The following RBFOX1 variants were observed in gnomAD, a reference collection of about 807,000 sequenced individuals.
RBFOX1 encodes RNA binding protein fox-1 homolog 1.
RBFOX1 carries 8 observed loss-of-function variants against 57.7 expected under a neutral mutation model. That is an observed-to-expected ratio of 0.14 (90% CI 0.08 to 0.25). RBFOX1 has a LOEUF of 0.25. Ranked by LOEUF, RBFOX1 falls within the 10% of genes least tolerant of loss-of-function variation. The pLI, the probability that RBFOX1 is intolerant of heterozygous loss-of-function variation, is 1.00. For missense variants in RBFOX1, 611 were observed against 548.5 expected, an observed-to-expected ratio of 1.11 and a Z score of -1.14; for synonymous variants, 326 against 222.4, an observed-to-expected ratio of 1.47 and a Z score of -4.15.
chr16:6,884,801 G>C (rs576995557), intron 3 of RBFOX1, among the ~76,000 whole-genome samples: 2 of 152,246 alleles, frequency 1.3e-5, no homozygotes, highest in Admixed American at 6.5e-5. Context: ...GGGAGGCTGA[G>C]GCAGGAGAAT....
chr16:6,278,376 C>CCAAAAAAAAA (rs2076047011), intron 1 of RBFOX1, among the ~76,000 whole-genome samples: 1 of 31,764 alleles, frequency 3.1e-5, no homozygotes, highest in African/African-American at 1.9e-4. Context: ...GTAGGACTCA[C>CCAAAAAAAAA]CAAAAAAAAA....
At chr16:5,966,436 G>A (rs1364481960) in intron 4 of RBFOX1, among the ~76,000 whole-genome samples, 1 of 152,178 alleles carries the variant, frequency 6.6e-6, no homozygotes, top group African/African-American at 2.4e-5. Flanking sequence ...TGTGAGGTGA[G>A]GAGATGCCAC....
chr16:6,222,415 T>A (rs2097380542), intron 1 of RBFOX1, among the ~76,000 whole-genome samples: 1 of 151,968 alleles, frequency 6.6e-6, no homozygotes, highest in Non-Finnish European at 1.5e-5. Context: ...ACGTTTTCCC[T>A]TCCCTCCTTC....
At chr16:5,389,601 CTG>C (rs1322972686) in intron 1 of RBFOX1, among the ~76,000 whole-genome samples, 2 of 152,104 alleles carry the variant, frequency 1.3e-5, no homozygotes, top group African/African-American at 4.8e-5. Flanking sequence ...TTTTTTCTCT[CTG>C]TCTGTTTGCT....
intron 4 of RBFOX1, among the ~76,000 whole-genome samples, chr16:5,908,332 A>ATGTGTGTG (rs879393323): frequency 1.5e-5 from 2 of 137,464 alleles, no homozygotes; most frequent in African/African-American, 5.3e-5. Context: ...ACATATATAT[A>ATGTGTGTG]TGTGTGTGTG....
intron 3 of RBFOX1, among the ~76,000 whole-genome samples, chr16:6,727,201 C>A (rs1201984625): frequency 1.3e-5 from 2 of 152,010 alleles, no homozygotes; most frequent in African/African-American, 4.8e-5. Flanking sequence ...CACTATCCTG[C>A]AATTCTGACA....
At chr16:7,270,506 A>G (rs2095291786) in intron 4 of RBFOX1, among the ~76,000 whole-genome samples, 1 of 152,154 alleles carries the variant, frequency 6.6e-6, no homozygotes, top group Admixed American at 6.5e-5. Flanking sequence ...TGATAAGGGA[A>G]GGTACCATTG....
rs977063465 is a variant in RBFOX1, at chr16:6,718,739, C to A, written c.-16+64089C>A. On this transcript the variant is annotated intron_variant, in intron 3 of 15. Transcript: ENST00000550418. The stretch of plus-strand genomic sequence containing the variant: ...AGTGTGTACCACTCACTGAAGGTAA[C>A]CATAGTAACAGCAAAATCCCAAATG... Among the ~76,000 whole-genome samples the A allele has an allele frequency of 2.0e-5, 3 of 152,288 alleles. No homozygotes were observed. In the South Asian group the frequency reaches 6.2e-4, roughly 32 times the overall value.
chr16:6,757,251 G>C (rs2075947640), intron 3 of RBFOX1, among the ~76,000 whole-genome samples: 1 of 152,036 alleles, frequency 6.6e-6, no homozygotes, highest in Non-Finnish European at 1.5e-5. Context: ...TTCTCAAAAA[G>C]ACTAAAAATA....
intron 3 of RBFOX1, among the ~76,000 whole-genome samples, chr16:5,831,038 C>T (rs190284957): frequency 9.7e-4 from 148 of 152,224 alleles, no homozygotes; most frequent in African/African-American, 3.2e-3. Context: ...CGTTAGTTGG[C>T]GAGTTTAATA....
At chr16:6,750,833 G>T (rs1428228843) in intron 3 of RBFOX1, among the ~76,000 whole-genome samples, 5 of 152,280 alleles carry the variant, frequency 3.3e-5, no homozygotes, top group Admixed American at 2.6e-4. Context: ...CGCCAAAGGG[G>T]GATGTGTGTG....
rs116895633 is a variant in RBFOX1 at position 7,327,055 on chromosome 16, G to A, written c.28-191092G>A. 3.5e-3 allele frequency among the ~76,000 whole-genome samples: 537 copies of A among 152,262 alleles called. 1 individual carries two copies. Among genetic ancestry groups the A allele is most frequent in the Admixed American group, 6.2e-3 (95 of 15,298 alleles). On this transcript the variant is annotated intron_variant, in intron 4 of 15. Transcript: ENST00000550418. ...TATTAAAAGAGTCATGATATGGTGT[G>A]GGCAGTCTCTGAACCAAACACAATG...
At chr16:7,300,300 A>G (rs1161461222) in intron 4 of RBFOX1, among the ~76,000 whole-genome samples, 3 of 152,012 alleles carry the variant, frequency 2.0e-5, no homozygotes, top group Non-Finnish European at 4.4e-5. Flanking sequence ...CCTGGGGGCT[A>G]GAACAGTGCC....
chr16:7,552,885 A>T (rs867087089), intron 5 of RBFOX1, among the ~76,000 whole-genome samples: 2 of 151,826 alleles, frequency 1.3e-5, no homozygotes, highest in Non-Finnish European at 2.9e-5. Flanking sequence ...GTTTCACCAT[A>T]TTGGCCAGGC....
At chr16:6,557,026 C>A (rs867712521) in intron 2 of RBFOX1, among the ~76,000 whole-genome samples, 1 of 123,716 alleles carries the variant, frequency 8.1e-6, no homozygotes, top group East Asian at 2.0e-4. Flanking sequence ...CATATATATA[C>A]ATATATACAC....
Position 6,981,188 on chromosome 16 carries a change from G to A in RBFOX1, c.-15-70869G>A, listed in dbSNP as rs1018262276. Among the ~76,000 whole-genome samples, 4 of 151,760 alleles carry A rather than the reference G, an allele frequency of 2.6e-5. No homozygotes were observed. In the South Asian group the frequency reaches 8.3e-4, roughly 32 times the overall value. ...TGCACAGATAAGCTTGTGTGATGGG[G>A]GTTTGTGGTACAGATTATTTCATCA... On this transcript the variant is annotated intron_variant, in intron 3 of 15. Transcript: ENST00000550418.
chr16:7,300,526 A>T (rs1326049970), intron 4 of RBFOX1, among the ~76,000 whole-genome samples: 1 of 152,346 alleles, frequency 6.6e-6, no homozygotes, highest in African/African-American at 2.4e-5. Context: ...AGCTAACCCC[A>T]GTATAGATGA....
intron 4 of RBFOX1, among the ~76,000 whole-genome samples, chr16:5,868,681 G>C (rs1415652832): frequency 6.6e-6 from 1 of 152,180 alleles, no homozygotes; most frequent in Non-Finnish European, 1.5e-5. Context: ...GCAGGGATTT[G>C]GGAAGCACAA....
intron 3 of RBFOX1, among the ~76,000 whole-genome samples, chr16:6,678,201 G>T (rs1184531261): frequency 2.0e-5 from 3 of 152,186 alleles, no homozygotes; most frequent in Non-Finnish European, 2.9e-5. Flanking sequence ...TCGGTTCACT[G>T]CAGCCTCTGC....
Sources: gnomAD v4.1 joint callset for allele counts (sites outside exome capture counted in the v4.1 genomes callset) on GRCh38, gnomAD v4.1.1 for gene constraint, MANE v1.5 for transcripts, NCBI Gene and HGNC (gene_info 2026-07-23, HGNC 2026-07-21) for gene names.